Variants in DKK2 observed in about 807,000 individuals in gnomAD.
The protein encoded by DKK2 is dickkopf-related protein 2.
In DKK2, 11 loss-of-function variants were observed where a neutral mutation model predicts 28.1. That is an observed-to-expected ratio of 0.39 (90% CI 0.25 to 0.65). DKK2 has a LOEUF of 0.65. Among genes scored for constraint, DKK2 ranks in the 30% least tolerant of loss-of-function variants. The pLI, the probability that DKK2 is intolerant of heterozygous loss-of-function variation, is 0.47. For missense variants in DKK2, 326 were observed against 335.5 expected (o/e 0.97, Z 0.22); for synonymous variants, 135 against 126.5 (o/e 1.07, Z -0.45).
chr4:106,985,033 C>A (rs1161804961), intron 1 of DKK2, among the ~76,000 whole-genome samples: 1 of 151,896 alleles, frequency 6.6e-6, no homozygotes, highest in Middle Eastern at 3.2e-3. Flanking sequence ...CACGGTGAAA[C>A]CCCGTCTCTA....
At chr4:106,969,600 A>AT (rs77241310) in intron 1 of DKK2, among the ~76,000 whole-genome samples, 54 of 149,686 alleles carry the variant, frequency 3.6e-4, no homozygotes, top group Middle Eastern at 3.4e-3. Flanking sequence ...CTCCTCTCTA[A>AT]TTTTTTTTTT....
At chr4:107,008,595 G>T (rs1330555329) in intron 1 of DKK2, among the ~76,000 whole-genome samples, 1 of 151,904 alleles carries the variant, frequency 6.6e-6, no homozygotes, top group Non-Finnish European at 1.5e-5. Context: ...TTATATTAAG[G>T]CAGTTAGGCT....
intron 1 of DKK2, among the ~76,000 whole-genome samples, chr4:107,019,597 A>G (rs1244843887): frequency 6.6e-6 from 1 of 152,108 alleles, no homozygotes; most frequent in Non-Finnish European, 1.5e-5. Context: ...GGATATTGCT[A>G]GGAATATACT....
Position 107,013,836 on chromosome 4 carries a change from C to A in DKK2, c.222+21534G>T, listed in dbSNP as rs890158807. On this transcript the variant is annotated intron_variant, in intron 1 of 3. Transcript: ENST00000285311. ...TAGACTATATAAGGAACTCAAACCA[C>A]TCCCTAGCAAAAAACAAATAATCTC... Among the ~76,000 whole-genome samples the A allele has an allele frequency of 2.0e-5, 3 of 151,420 alleles. No homozygotes were observed. The East Asian group carries it at 5.8e-4, about 29-fold the overall frequency.
intron 1 of DKK2, among the ~76,000 whole-genome samples, chr4:106,947,631 G>A (rs1256501281): frequency 6.6e-6 from 1 of 151,318 alleles, no homozygotes; most frequent in Non-Finnish European, 1.5e-5. Context: ...AAGTGAGTTG[G>A]GTAGGCTTTA....
rs150757898 is a variant in DKK2 at position 106,944,589 on chromosome 4, A to G, written c.223-18640T>C. Among the ~76,000 whole-genome samples the G allele has an allele frequency of 1.9e-4, 29 of 152,268 alleles. No homozygotes were observed. In the East Asian group the frequency reaches 5.2e-3, roughly 27 times the overall value. The stretch of plus-strand genomic sequence containing the variant: ...AGCTTGGTTCACATGTGATATTTGT[A>G]GAAAGATGATATAATCCTGTTACCT... On this transcript the variant is annotated intron_variant, in intron 1 of 3. Coordinates refer to ENST00000285311, the MANE Select transcript of DKK2 (RefSeq NM_014421.3).
chr4:106,974,919 A>G (rs546472801), intron 1 of DKK2, among the ~76,000 whole-genome samples: 4 of 152,204 alleles, frequency 2.6e-5, no homozygotes, highest in African/African-American at 9.6e-5. Flanking sequence ...ACGTTCCATC[A>G]ATAACTAGTT....
chr4:106,944,244 A>C (rs1724745992), intron 1 of DKK2, among the ~76,000 whole-genome samples: 1 of 152,118 alleles, frequency 6.6e-6, no homozygotes, highest in Non-Finnish European at 1.5e-5. Flanking sequence ...CACCACCCAA[A>C]CATTTATATG....
At chr4:106,992,185 C>T (rs191425746) in intron 1 of DKK2, among the ~76,000 whole-genome samples, 8 of 152,214 alleles carry the variant, frequency 5.3e-5, no homozygotes, top group African/African-American at 1.4e-4. Context: ...CCCTAAGCCC[C>T]GGAGTCACCA....
intron 1 of DKK2, among the ~76,000 whole-genome samples, chr4:106,945,767 A>G (rs1232689923): frequency 1.3e-5 from 2 of 152,134 alleles, no homozygotes; most frequent in Admixed American, 6.6e-5. Context: ...ATAGAGCAAT[A>G]TGTTTTCTAT....
intron 1 of DKK2, among the ~76,000 whole-genome samples, chr4:107,024,152 A>G (rs1251598522): frequency 6.6e-6 from 1 of 152,130 alleles, no homozygotes; most frequent in African/African-American, 2.4e-5. Flanking sequence ...ATGTGTCCAA[A>G]ATATGACCCT....
At chr4:106,940,715 T>C (rs1240992299) in intron 1 of DKK2, among the ~76,000 whole-genome samples, 1 of 151,492 alleles carries the variant, frequency 6.6e-6, no homozygotes, top group African/African-American at 2.4e-5. Context: ...AACCTAAATG[T>C]CCAACAATGA....
chr4:107,035,626 C>A lies in DKK2; in HGVS notation c.-35G>T. 2 of 1,608,734 alleles carry A rather than the reference C, an allele frequency of 1.2e-6. No individual in the cohort carries two copies. The highest frequency in any genetic ancestry group is 1.7e-6 in the Non-Finnish European group (2 of 1,178,014). ...AGGGGGTCCCCAGGAAGACGCAAAG[C>A]CCGGAGGGGTGGGAATGCAAAGGGA... On this transcript the variant is annotated 5_prime_UTR_variant, in exon 1 of 4. Coordinates refer to ENST00000285311, the MANE Select transcript of DKK2 (RefSeq NM_014421.3).
At chr4:106,957,454 G>A (rs553266350) in intron 1 of DKK2, among the ~76,000 whole-genome samples, 3 of 152,108 alleles carry the variant, frequency 2.0e-5, no homozygotes, top group Admixed American at 6.5e-5. Context: ...ACAGGCACAC[G>A]TATGTTTATT....
chr4:106,948,481 G>T (rs937446370), intron 1 of DKK2, among the ~76,000 whole-genome samples: 9 of 152,132 alleles, frequency 5.9e-5, no homozygotes, highest in Non-Finnish European at 8.8e-5. Flanking sequence ...CAGCTTGTAG[G>T]GGGTACTTGC....
chr4:106,943,270 C>G (rs889394137), intron 1 of DKK2, among the ~76,000 whole-genome samples: 11 of 152,074 alleles, frequency 7.2e-5, no homozygotes, highest in Non-Finnish European at 7.4e-5. Context: ...TCTGCCCTAC[C>G]TATACTCTTT....
intron 1 of DKK2, among the ~76,000 whole-genome samples, chr4:107,002,951 A>G (rs1373479842): frequency 1.3e-5 from 2 of 152,202 alleles, no homozygotes; most frequent in Non-Finnish European, 1.5e-5. Context: ...TTAATATAGC[A>G]TTAGGTAATT....
At chr4:106,998,557 TACA>T (rs1472284363) in intron 1 of DKK2, among the ~76,000 whole-genome samples, 3 of 152,174 alleles carry the variant, frequency 2.0e-5, no homozygotes, top group Admixed American at 6.6e-5. Flanking sequence ...TTTTAGAAAT[TACA>T]ACAATTGTAA....
chr4:106,964,532 A>C (rs925187159), intron 1 of DKK2, among the ~76,000 whole-genome samples: 1 of 152,216 alleles, frequency 6.6e-6, no homozygotes, highest in Non-Finnish European at 1.5e-5. Context: ...ATCATAAAGA[A>C]ATGTTGATTT....
Sources: gnomAD v4.1 joint callset for allele counts (sites outside exome capture counted in the v4.1 genomes callset) on GRCh38, gnomAD v4.1.1 for gene constraint, MANE v1.5 for transcripts, NCBI Gene and HGNC (gene_info 2026-07-23, HGNC 2026-07-21) for gene names.